STXBP4: variants seen among roughly 807,000 people sequenced by gnomAD.
STXBP4 encodes syntaxin binding protein 4, also known as syntaxin-binding protein 4.
In STXBP4, 55 loss-of-function variants were observed where a neutral mutation model predicts 76.1. The observed-to-expected ratio is 0.72, with a 90% CI of 0.58 to 0.91. The LOEUF is 0.91. Ranked by LOEUF, STXBP4 falls within the 40% of genes least tolerant of loss-of-function variation. STXBP4 has a pLI of 0.00. For missense variants in STXBP4, 618 were observed against 636.9 expected (o/e 0.97, Z 0.32); for synonymous variants, 201 against 220.2 (o/e 0.91, Z 0.77).
intron 16 of STXBP4, among the ~76,000 whole-genome samples, chr17:55,094,735 A>G (rs767762511): frequency 2.6e-4 from 40 of 152,140 alleles, no homozygotes; most frequent in African/African-American, 9.7e-4. Context: ...TCATCAAACA[A>G]ATTCCTTAAA....
intron 16 of STXBP4, among the ~76,000 whole-genome samples, chr17:55,082,105 G>A (rs1213878459): frequency 1.3e-5 from 2 of 152,084 alleles, no homozygotes; most frequent in Non-Finnish European, 2.9e-5. Context: ...GAAATAAGAG[G>A]GAGGTGATTT....
chr17:55,047,688 T>C (rs1025617954), intron 12 of STXBP4, among the ~76,000 whole-genome samples: 2 of 151,682 alleles, frequency 1.3e-5, no homozygotes, highest in Non-Finnish European at 3.0e-5. Flanking sequence ...TGACAAAATA[T>C]AAATAAGAGA....
chr17:55,077,686 CGTGTGT>C lies in STXBP4; in HGVS notation c.1189-353_1189-348del, dbSNP rs10690646. On this transcript the variant is annotated intron_variant, in intron 13 of 17. Coordinates refer to ENST00000376352, the MANE Select transcript of STXBP4 (RefSeq NM_178509.6). ...CTTCCTTGCTAGCTTTGTCTTACAT[CGTGTGT>C]GTGTGTGTGTGTGTGTGTGTGTGTG... 2.6e-3 allele frequency among the ~76,000 whole-genome samples: 351 copies of C among 134,076 alleles called. 2 individuals carry two copies. Among genetic ancestry groups the C allele is most frequent in the African/African-American group, 8.5e-3 (300 of 35,392 alleles). The allele number at this position is 134,076 out of a possible 152,430, so 88.0% of individuals were successfully genotyped here.
chr17:55,009,706 G>A (rs1258888124), intron 8 of STXBP4, among the ~76,000 whole-genome samples: 1 of 151,984 alleles, frequency 6.6e-6, no homozygotes, highest in Non-Finnish European at 1.5e-5. Context: ...AGATAGACTT[G>A]TTAATTTTAT....
intron 17 of STXBP4, among the ~76,000 whole-genome samples, chr17:55,141,741 T>G (rs2080097023): frequency 6.6e-6 from 1 of 152,202 alleles, no homozygotes; most frequent in South Asian, 2.1e-4. Flanking sequence ...AATATCAACA[T>G]TTTTTAATGC....
intron 12 of STXBP4, among the ~76,000 whole-genome samples, chr17:55,059,633 T>A (rs1567742610): frequency 6.6e-6 from 1 of 152,122 alleles, no homozygotes; most frequent in African/African-American, 2.4e-5. Context: ...ACATCCTTTC[T>A]ACTCAGAGTG....
At chr17:55,188,855 A>G in the STXBP4 span, among the ~76,000 whole-genome samples, 1 of 152,204 alleles carries the variant, frequency 6.6e-6, no homozygotes, top group Non-Finnish European at 1.5e-5. Flanking sequence ...GCATTAAGTA[A>G]GAGCTTGGGC....
At chr17:55,177,621 C>T (rs1218682880), downstream of STXBP4, among the ~76,000 whole-genome samples, 3 of 152,182 alleles carry the variant, frequency 2.0e-5, no homozygotes, top group Admixed American at 6.5e-5. Context: ...CCATCACTTT[C>T]GAAATGGAGA....
At chr17:55,026,249 T>C (rs895279756) in intron 8 of STXBP4, among the ~76,000 whole-genome samples, 10 of 152,058 alleles carry the variant, frequency 6.6e-5, no homozygotes, top group East Asian at 5.8e-4. Context: ...TTTTCAGAAA[T>C]GGATAAGGTG....
intron 16 of STXBP4, among the ~76,000 whole-genome samples, chr17:55,104,479 CTT>C (rs1258341923): frequency 6.6e-6 from 1 of 152,200 alleles, no homozygotes; most frequent in Non-Finnish European, 1.5e-5. Flanking sequence ...ATGAAGCTGA[CTT>C]TATCGTGGTG....
intron 16 of STXBP4, among the ~76,000 whole-genome samples, chr17:55,138,261 C>A (rs1314622471): frequency 6.6e-6 from 1 of 151,866 alleles, no homozygotes; most frequent in African/African-American, 2.4e-5. Flanking sequence ...TAGCAAAATG[C>A]TGAACACATA....
In STXBP4 at chr17:54,981,319, TC is replaced by T. The variant is rs2077548282; in HGVS notation, c.-156-4294del. On this transcript the variant is annotated intron_variant, in intron 1 of 17. Coordinates refer to ENST00000376352, the MANE Select transcript of STXBP4 (RefSeq NM_178509.6). ...TAACAAAAGAACAAATGAGAGATGA[TC>T]GGCCTTACTAGATATGATAGTGCCT... Among the ~76,000 whole-genome samples the T allele has an allele frequency of 1.3e-5, 2 of 151,232 alleles. 1 individual carries two copies. Among genetic ancestry groups the T allele is most frequent in the Admixed American group, 1.3e-4 (2 of 15,100 alleles).
intron 16 of STXBP4, among the ~76,000 whole-genome samples, chr17:55,109,107 A>C (rs2079676122): frequency 6.6e-6 from 1 of 152,210 alleles, no homozygotes; most frequent in African/African-American, 2.4e-5. Context: ...TGAATTAGGA[A>C]ATTACATGCT....
chr17:55,052,524 A>G (rs910135982), intron 12 of STXBP4, among the ~76,000 whole-genome samples: 2 of 152,108 alleles, frequency 1.3e-5, no homozygotes, highest in Non-Finnish European at 2.9e-5. Context: ...TTTTATATCT[A>G]TTTTAATAAA....
In STXBP4 at chr17:55,156,647, G is replaced by GCA. The variant is rs1444208268; in HGVS notation, c.1548-3147_1548-3146dup. 3.9e-5 allele frequency among the ~76,000 whole-genome samples: 6 copies of GCA among 152,180 alleles called. No individual in the cohort carries two copies. The South Asian group carries it at 8.3e-4, about 21-fold the overall frequency. On this transcript the variant is annotated intron_variant, in intron 17 of 17. Coordinates refer to ENST00000376352, the MANE Select transcript of STXBP4 (RefSeq NM_178509.6). ...CCCAGGTCTGAAATGTGTGCTTGAA[G>GCA]CACAGAACACGTCTCTCTGTTGCTT... is the stretch of plus-strand genomic sequence containing the variant.
chr17:55,089,448 A>C (rs1209448923), intron 16 of STXBP4, among the ~76,000 whole-genome samples: 1 of 152,172 alleles, frequency 6.6e-6, no homozygotes, highest in African/African-American at 2.4e-5. Flanking sequence ...TAAATGTCTT[A>C]ATCAGCATCT....
chr17:54,990,792 C>G, intron 3 of STXBP4, 33 bp from the exon 4 acceptor site: 15 of 1,570,150 alleles, frequency 9.6e-6, no homozygotes, highest in Non-Finnish European at 1.3e-5. Context: ...GATCTCTAGA[C>G]TAACCTGTGT....
the STXBP4 span, among the ~76,000 whole-genome samples, chr17:55,204,843 CAAACACACAT>C: frequency 3.1e-5 from 1 of 32,426 alleles, no homozygotes; most frequent in African/African-American, 6.5e-5. Flanking sequence ...CACACACACA[CAAACACACAT>C]ACCCCTTCAA....
intron 12 of STXBP4, among the ~76,000 whole-genome samples, chr17:55,061,438 G>T (rs765959091): frequency 1.3e-5 from 2 of 152,040 alleles, no homozygotes; most frequent in Non-Finnish European, 2.9e-5. Flanking sequence ...GTTTTAAGAT[G>T]CTATCTCATC....
Sources: allele counts gnomAD v4.1 joint callset (sites outside exome capture counted in the v4.1 genomes callset), GRCh38; gene constraint gnomAD v4.1.1; transcripts MANE v1.5; gene names NCBI Gene and HGNC (gene_info 2026-07-23, HGNC 2026-07-21).